Variants in MECOM observed in about 807,000 individuals in gnomAD.
MECOM encodes the protein MDS1 and EVI1 complex locus.
Under a neutral mutation model 116.3 loss-of-function variants are expected in MECOM, and 13 were observed. The ratio of observed to expected loss-of-function variants is 0.11; its 90% CI spans 0.07 to 0.18. MECOM has a LOEUF of 0.18. Among genes scored for constraint, MECOM ranks in the 10% least tolerant of loss-of-function variants. The pLI is 1.00. For missense variants in MECOM, 1,299 were observed against 1,509.0 expected (o/e 0.86, Z 2.31); for synonymous variants, 528 against 535.2 (o/e 0.99, Z 0.19).
chr3:169,289,284 A>T (rs1714012212), intron 2 of MECOM, among the ~76,000 whole-genome samples: 1 of 152,218 alleles, frequency 6.6e-6, no homozygotes, highest in South Asian at 2.1e-4. Flanking sequence ...CTGTAAATGA[A>T]ACAAGAACCT....
At chr3:169,635,180 G>A (rs1161570567) in intron 1 of MECOM, among the ~76,000 whole-genome samples, 1 of 152,194 alleles carries the variant, frequency 6.6e-6, no homozygotes, top group Non-Finnish European at 1.5e-5. Flanking sequence ...GGAAGTTACT[G>A]AACCTCTGCC....
chr3:169,663,187 G>C, intron 1 of MECOM, 149 bp downstream of exon 1: 1 of 841,428 alleles, frequency 1.2e-6, no homozygotes, highest in Non-Finnish European at 1.9e-6. Context: ...GACTGGAACC[G>C]GCAGGTTGCT....
intron 2 of MECOM, among the ~76,000 whole-genome samples, chr3:169,163,789 A>G (rs1347686769): frequency 2.0e-5 from 3 of 152,138 alleles, no homozygotes; most frequent in Non-Finnish European, 4.4e-5. Flanking sequence ...GGGAGTTGGC[A>G]TTTAAGGTCA....
chr3:169,117,899 G>T (rs1356396644), intron 7 of MECOM, among the ~76,000 whole-genome samples: 6 of 137,520 alleles, frequency 4.4e-5, no homozygotes, highest in Admixed American at 4.2e-4. Flanking sequence ...ACGGGATTGA[G>T]CCACGTTATG....
At chr3:169,576,381 T>TA (rs1474757589) in intron 1 of MECOM, among the ~76,000 whole-genome samples, 2 of 152,146 alleles carry the variant, frequency 1.3e-5, no homozygotes, top group Non-Finnish European at 2.9e-5. Context: ...CAGAAGACGA[T>TA]AAAAATCTCT....
chr3:169,624,877 C>T (rs9845222), intron 1 of MECOM, among the ~76,000 whole-genome samples: 4,101 of 152,104 alleles, frequency 0.027, 177 homozygotes, highest in African/African-American at 0.092. Flanking sequence ...TTTACTAATG[C>T]GTGTGTATTT....
chr3:169,159,030 A>G (rs1193516868), intron 2 of MECOM, among the ~76,000 whole-genome samples: 1 of 152,140 alleles, frequency 6.6e-6, no homozygotes, highest in African/African-American at 2.4e-5. Context: ...AGGGAAGGTG[A>G]TGGGCTGAAC....
At chr3:169,492,126 A>C (rs777086461) in intron 1 of MECOM, among the ~76,000 whole-genome samples, 3 of 152,220 alleles carry the variant, frequency 2.0e-5, no homozygotes, top group Non-Finnish European at 4.4e-5. Flanking sequence ...CAGTGGCATG[A>C]CCCTACTGAC....
intron 2 of MECOM, among the ~76,000 whole-genome samples, chr3:169,253,848 A>C (rs1003081567): frequency 2.6e-5 from 4 of 152,122 alleles, no homozygotes; most frequent in Non-Finnish European, 4.4e-5. Flanking sequence ...TTGTACCCCA[A>C]CTACATTTAA....
chr3:169,513,334 T>A (rs1045666376), intron 1 of MECOM, among the ~76,000 whole-genome samples: 2 of 152,270 alleles, frequency 1.3e-5, no homozygotes, highest in South Asian at 2.1e-4. Context: ...AGCTCTCTGA[T>A]GACAAACTGG....
chr3:169,159,366 T>C (rs192509179), intron 2 of MECOM, among the ~76,000 whole-genome samples: 5 of 152,204 alleles, frequency 3.3e-5, no homozygotes, highest in Non-Finnish European at 5.9e-5. Context: ...GAGACGAGCC[T>C]GACCAACATA....
chr3:169,322,620 T>C (rs1362038213), intron 2 of MECOM, among the ~76,000 whole-genome samples: 1 of 151,784 alleles, frequency 6.6e-6, no homozygotes, highest in Non-Finnish European at 1.5e-5. Context: ...TGTTCACCAC[T>C]GTAAAAAGAA....
At chr3:169,555,413 C>A (rs1266072174) in intron 1 of MECOM, among the ~76,000 whole-genome samples, 1 of 152,164 alleles carries the variant, frequency 6.6e-6, no homozygotes, top group Non-Finnish European at 1.5e-5. Context: ...GGCCAGCCCC[C>A]CGCCAATGGA....
At chr3:169,518,689 C>T (rs1756999358) in intron 1 of MECOM, among the ~76,000 whole-genome samples, 1 of 152,124 alleles carries the variant, frequency 6.6e-6, no homozygotes, top group African/African-American at 2.4e-5. Flanking sequence ...TTTGGCTGCC[C>T]CACCCAAATC....
intron 1 of MECOM, among the ~76,000 whole-genome samples, chr3:169,637,450 T>C (rs915378330): frequency 1.1e-4 from 16 of 152,356 alleles, no homozygotes; most frequent in African/African-American, 3.8e-4. Context: ...TCTACTTTTA[T>C]TCTAGGCCTG....
intron 1 of MECOM, among the ~76,000 whole-genome samples, chr3:169,381,725 T>A (rs943639631): frequency 6.6e-6 from 1 of 152,168 alleles, no homozygotes; most frequent in African/African-American, 2.4e-5. Flanking sequence ...CTGTGGTGAA[T>A]CCATAAATCA....
At chr3:169,115,199 C>T (rs764830853) in intron 8 of MECOM, among the ~76,000 whole-genome samples, 184 bp downstream of exon 8, 4 of 152,030 alleles carry the variant, frequency 2.6e-5, no homozygotes, top group Non-Finnish European at 4.4e-5. Flanking sequence ...TCAGAAACAT[C>T]CAAAAATAAG....
chr3:169,338,600 G>GGTGTGTGTGT (rs149763365), intron 2 of MECOM, among the ~76,000 whole-genome samples: 1,537 of 146,528 alleles, frequency 0.01, 28 homozygotes, highest in African/African-American at 0.035. Context: ...TTATGTTAGG[G>GGTGTGTGTGT]GTGTGTGTGT....
At chr3:169,437,848 A>G (rs1742920290) in intron 1 of MECOM, among the ~76,000 whole-genome samples, 1 of 152,224 alleles carries the variant, frequency 6.6e-6, no homozygotes. Flanking sequence ...CTAAACTTTT[A>G]GCAGAGCCTA....
Sources: allele counts gnomAD v4.1 joint callset (sites outside exome capture counted in the v4.1 genomes callset), GRCh38; gene constraint gnomAD v4.1.1; transcripts MANE v1.5; gene names NCBI Gene and HGNC (gene_info 2026-07-23, HGNC 2026-07-21).